RFX7: variants seen among roughly 807,000 people sequenced by gnomAD.
RFX7 encodes the protein regulatory factor X7.
Under a neutral mutation model 111.8 loss-of-function variants are expected in RFX7, and 26 were observed. The observed-to-expected ratio is 0.23, with a 90% CI of 0.17 to 0.32. The LOEUF (loss-of-function observed/expected upper bound fraction) is 0.32, where lower values mean the gene tolerates loss of function less well. Ranked by LOEUF, RFX7 falls within the 10% of genes least tolerant of loss-of-function variation. RFX7 has a pLI of 1.00. For missense variants in RFX7, 1,573 were observed against 1,772.9 expected, an observed-to-expected ratio of 0.89 and a Z score of 2.02; for synonymous variants, 624 against 624.4, an observed-to-expected ratio of 1.00 and a Z score of 0.01.
At chr15:56,244,013 A>G (rs1161619588), upstream of RFX7, 1 of 150,670 alleles carries the variant, frequency 6.6e-6, no homozygotes, top group African/African-American at 2.4e-5. Flanking sequence ...CCAGCGGGCC[A>G]GGGAAGCGCG....
intron 3 of RFX7, among the ~76,000 whole-genome samples, chr15:56,156,134 C>T (rs975635984): frequency 6.6e-6 from 1 of 152,140 alleles, no homozygotes; most frequent in East Asian, 1.9e-4. Flanking sequence ...TCTGCATTTA[C>T]TGATTGTTTT....
At chr15:56,232,690 C>T (rs1444774881) in intron 2 of RFX7, among the ~76,000 whole-genome samples, 1 of 152,220 alleles carries the variant, frequency 6.6e-6, no homozygotes, top group Non-Finnish European at 1.5e-5. Flanking sequence ...CAAGTCACCT[C>T]TTGAACGCTT....
intron 3 of RFX7, among the ~76,000 whole-genome samples, chr15:56,150,927 G>T (rs1292928634): frequency 6.6e-6 from 1 of 151,806 alleles, no homozygotes; most frequent in African/African-American, 2.4e-5. Context: ...GCATACACAA[G>T]TATTAATAGC....
intron 2 of RFX7, among the ~76,000 whole-genome samples, chr15:56,193,685 T>C (rs1490738060): frequency 6.6e-6 from 1 of 152,158 alleles, no homozygotes; most frequent in Non-Finnish European, 1.5e-5. Flanking sequence ...TCTCAAGTCA[T>C]ATTACCAGAA....
intron 3 of RFX7, among the ~76,000 whole-genome samples, chr15:56,165,117 G>A (rs1409099508): frequency 1.3e-5 from 2 of 152,078 alleles, no homozygotes; most frequent in African/African-American, 4.8e-5. Context: ...AATAGGGTTT[G>A]TGCTCCTATA....
intron 2 of RFX7, among the ~76,000 whole-genome samples, chr15:56,194,484 A>G (rs77140915): frequency 6.6e-6 from 1 of 152,178 alleles, no homozygotes; most frequent in African/African-American, 2.4e-5. Flanking sequence ...AAACACATTG[A>G]CTTCAGATCC....
chr15:56,095,664 C>G lies in RFX7; in HGVS notation c.2064G>C (p.Gln688His). The G allele has an allele frequency of 6.2e-7, 1 of 1,614,016 alleles. No individual in the cohort carries two copies. The highest frequency in any genetic ancestry group is 8.5e-7 in the Non-Finnish European group (1 of 1,179,884). The change falls in exon 10 of 10, where the codon CAG becomes CAC. Residue 688 changes from glutamine to histidine, a missense_variant. Coordinates refer to ENST00000559447, the MANE Select transcript of RFX7 (RefSeq NM_022841.7). ...EQLSAATIEG[Q>H]KQGSVKKDQK... is the part of the protein sequence containing the mutation. ...GGTCCTTCTTAACACTGCCTTGTTT[C>G]TGCCCTTCTATGGTAGCTGCTGAAA...
chr15:56,152,722 T>C (rs2042590926), intron 3 of RFX7, among the ~76,000 whole-genome samples: 1 of 143,588 alleles, frequency 7.0e-6, no homozygotes, highest in East Asian at 2.1e-4. Flanking sequence ...CTGAAGGAGA[T>C]GGAGACACAA....
At chr15:56,161,291 T>TA (rs2042717304) in intron 3 of RFX7, among the ~76,000 whole-genome samples, 1 of 152,064 alleles carries the variant, frequency 6.6e-6, no homozygotes, top group Non-Finnish European at 1.5e-5. Flanking sequence ...CCCTTTGAAC[T>TA]TCCCTCAACT....
At chr15:56,179,594 A>G (rs865998687) in intron 2 of RFX7, among the ~76,000 whole-genome samples, 1 of 152,198 alleles carries the variant, frequency 6.6e-6, no homozygotes, top group African/African-American at 2.4e-5. Flanking sequence ...ATTTATTACT[A>G]TACTTACAAG....
chr15:56,141,036 A>G (rs2042385332), intron 5 of RFX7, among the ~76,000 whole-genome samples: 1 of 152,216 alleles, frequency 6.6e-6, no homozygotes, highest in African/African-American at 2.4e-5. Flanking sequence ...ATTGTCACAC[A>G]TTTATTTGCC....
rs145701615 is a variant in RFX7 at position 56,178,074 on chromosome 15, T to C, written c.195+1196A>G. Among the ~76,000 whole-genome samples, 260 of 151,540 alleles carry C rather than the reference T, an allele frequency of 1.7e-3. 2 individuals carry two copies. The highest frequency in any genetic ancestry group is 5.9e-3 in the African/African-American group (244 of 41,332). The stretch of plus-strand genomic sequence containing the variant: ...ATTTTTTGAATGAAATGCAAGAGCA[T>C]TGGTGTCTTCATTTGTAAAAGGGAG... On this transcript the variant is annotated intron_variant, in intron 3 of 9. Coordinates refer to ENST00000559447, the MANE Select transcript of RFX7 (RefSeq NM_022841.7).
intron 2 of RFX7, among the ~76,000 whole-genome samples, chr15:56,188,833 T>C (rs2043069603): frequency 6.6e-6 from 1 of 152,186 alleles, no homozygotes; most frequent in African/African-American, 2.4e-5. Context: ...ATAAACATTT[T>C]TTTTTCTTTT....
chr15:56,109,067 C>G (rs2041870787), intron 5 of RFX7, among the ~76,000 whole-genome samples: 2 of 152,152 alleles, frequency 1.3e-5, no homozygotes, highest in Non-Finnish European at 2.9e-5. Flanking sequence ...CTCCCTCTCC[C>G]TCTTTCCACG....
intron 3 of RFX7, among the ~76,000 whole-genome samples, chr15:56,149,917 GCGGGTCCCA>G (rs1173311054): frequency 1.3e-5 from 2 of 152,126 alleles, no homozygotes; most frequent in Admixed American, 1.3e-4. Flanking sequence ...GTCTGGCTCA[GCGGGTCCCA>G]CTCCCACGGA....
intron 5 of RFX7, among the ~76,000 whole-genome samples, chr15:56,131,305 A>C (rs2042212767): frequency 8.3e-6 from 1 of 119,966 alleles, no homozygotes; most frequent in African/African-American, 3.4e-5. Flanking sequence ...TTGAGACAGG[A>C]TCTCACTCTG....
rs71441430 is a variant in RFX7, at chr15:56,127,550, A to ATT, written c.401+15226_401+15227dup. 7.0e-3 allele frequency among the ~76,000 whole-genome samples: 988 copies of ATT among 141,378 alleles called. 11 individuals carry two copies. The highest frequency in any genetic ancestry group is 0.023 in the African/African-American group (878 of 38,212). 92.7% of individuals were successfully genotyped at this position (141,378 alleles called of 152,430 possible). A position where few individuals can be genotyped will look rare whatever the true frequency, so the allele number is the denominator to read the frequency against. The stretch of plus-strand genomic sequence containing the variant: ...ACCCCAAAATTGTTTTTTTGAAAAG[A>ATT]TTTTTTTTTTTTTTTGAGACGGAGT... On this transcript the variant is annotated intron_variant, in intron 5 of 9. Transcript: ENST00000559447.
chr15:56,116,577 T>C (rs1291055877), intron 5 of RFX7, among the ~76,000 whole-genome samples: 1 of 152,054 alleles, frequency 6.6e-6, no homozygotes, highest in Non-Finnish European at 1.5e-5. Flanking sequence ...TTCATGAATG[T>C]ATAGAAGAGG....
intron 5 of RFX7, 35 bp from the exon 6 acceptor site, chr15:56,103,705 G>C: frequency 1.6e-6 from 2 of 1,258,156 alleles, no homozygotes; most frequent in Non-Finnish European, 2.3e-6. Flanking sequence ...TAGAGTGACA[G>C]AATTCAGAAT....
Sources: allele counts gnomAD v4.1 joint callset (sites outside exome capture counted in the v4.1 genomes callset), GRCh38; gene constraint gnomAD v4.1.1; transcripts MANE v1.5; gene names NCBI Gene and HGNC (gene_info 2026-07-23, HGNC 2026-07-21).